SHISA6: variants seen among roughly 807,000 people sequenced by gnomAD.
SHISA6 encodes protein shisa-6.
A neutral mutation model predicts 47.9 loss-of-function variants in SHISA6; 22 were observed. The observed-to-expected ratio is 0.46, with a 90% CI of 0.33 to 0.66. The LOEUF is 0.66. Among genes scored for constraint, SHISA6 ranks in the 30% least tolerant of loss-of-function variants. The pLI, the probability that SHISA6 is intolerant of heterozygous loss-of-function variation, is 0.02. For missense variants in SHISA6, 680 were observed against 764.6 expected, an observed-to-expected ratio of 0.89 and a Z score of 1.30; for synonymous variants, 388 against 337.8, an observed-to-expected ratio of 1.15 and a Z score of -1.63.
intron 2 of SHISA6, among the ~76,000 whole-genome samples, chr17:11,297,506 A>G (rs1909792103): frequency 6.6e-6 from 1 of 152,086 alleles, no homozygotes; most frequent in Non-Finnish European, 1.5e-5. Context: ...CCACACTCCA[A>G]GCATCAGGAT....
At chr17:11,458,524 T>G (rs934869538) in intron 3 of SHISA6, among the ~76,000 whole-genome samples, 1 of 152,158 alleles carries the variant, frequency 6.6e-6, no homozygotes, top group Non-Finnish European at 1.5e-5. Flanking sequence ...TGAGGATGGA[T>G]GAGGCTGTTT....
At chr17:11,339,063 G>A (rs1313641075) in intron 2 of SHISA6, among the ~76,000 whole-genome samples, 1 of 150,906 alleles carries the variant, frequency 6.6e-6, no homozygotes, top group African/African-American at 2.4e-5. Flanking sequence ...TCCAAAATGT[G>A]TGTAGTACAT....
At position 11,551,764 on chromosome 17, in the gene SHISA6, C is replaced by T. The variant is rs1301842410; in HGVS notation, c.896-132C>T. On this transcript the variant is annotated intron_variant, in intron 3 of 5. Transcript: ENST00000441885. ...CGTTTCTTGGAGCCTCATACAATGA[C>T]CTCTGCCTTTCTTAGAAGTGCTTCC... 5.3e-6 allele frequency: 4 copies of T among 750,460 alleles called. No homozygotes were observed. In the East Asian group the frequency reaches 1.1e-4, roughly 20 times the overall value. The allele number at this position is 750,460 out of a possible 1,614,324, so 46.5% of individuals were successfully genotyped here. A position where few individuals can be genotyped will look rare whatever the true frequency, so the allele number is the denominator to read the frequency against.
At chr17:11,511,909 T>C (rs1351257518) in intron 3 of SHISA6, among the ~76,000 whole-genome samples, 2 of 152,228 alleles carry the variant, frequency 1.3e-5, no homozygotes, top group Non-Finnish European at 2.9e-5. Flanking sequence ...GCCAGAAGCA[T>C]GCAGGACGGA....
intron 2 of SHISA6, among the ~76,000 whole-genome samples, chr17:11,358,667 C>CTTTTT (rs71142206): frequency 1.4e-5 from 2 of 141,294 alleles, no homozygotes; most frequent in African/African-American, 2.7e-5. Flanking sequence ...CCAGAATTTC[C>CTTTTT]TTTTTTTTTT....
intron 3 of SHISA6, among the ~76,000 whole-genome samples, chr17:11,440,034 G>A (rs1229398828): frequency 6.6e-6 from 1 of 152,214 alleles, no homozygotes; most frequent in African/African-American, 2.4e-5. Context: ...GGCAGCCTGA[G>A]GGTCCTGGGT....
chr17:11,242,007 C>T lies in SHISA6; in HGVS notation c.585C>T (p.Ala195=), dbSNP rs888397658. Residue 195 remains alanine, a synonymous_variant, in exon 1 of 6, where the codon GCC becomes GCT. Coordinates refer to ENST00000441885, the MANE Select transcript of SHISA6 (RefSeq NM_207386.4). Reference sequence around the variant, plus strand: ...TCGTCATCGTGGCCGGCGTCTTCGCCAAGGTCTCCTACGACAAGGCCCACC... The same window carrying T: ...TCGTCATCGTGGCCGGCGTCTTCGCTAAGGTCTCCTACGACAAGGCCCACC... ...IAFVIVAGVF[A]KVSYDKAHRP... is the part of the protein sequence containing the mutation. The T allele has an allele frequency of 2.8e-5, 43 of 1,551,020 alleles. No homozygotes were observed. The highest frequency in any genetic ancestry group is 3.4e-5 in the Non-Finnish European group (39 of 1,147,016).
At chr17:11,358,724 C>T (rs1691974549) in intron 2 of SHISA6, among the ~76,000 whole-genome samples, 1 of 148,622 alleles carries the variant, frequency 6.7e-6, no homozygotes, top group African/African-American at 2.5e-5. Flanking sequence ...AGTGCAGTGG[C>T]GGCGGGCATG....
At chr17:11,276,636 A>T (rs921152984) in intron 2 of SHISA6, among the ~76,000 whole-genome samples, 5 of 151,306 alleles carry the variant, frequency 3.3e-5, no homozygotes, top group Admixed American at 2.0e-4. Context: ...ACCATCACCA[A>T]TACCATCATC....
chr17:11,396,640 G>T (rs549304038), intron 3 of SHISA6, among the ~76,000 whole-genome samples: 1 of 152,232 alleles, frequency 6.6e-6, no homozygotes, highest in South Asian at 2.1e-4. Context: ...ACTAACACAG[G>T]AACAGAAAGC....
At chr17:11,344,763 A>G (rs1394489147) in intron 2 of SHISA6, among the ~76,000 whole-genome samples, 2 of 152,230 alleles carry the variant, frequency 1.3e-5, no homozygotes, top group South Asian at 2.1e-4. Context: ...CCACTCAAAC[A>G]TTTAATATTT....
intron 2 of SHISA6, among the ~76,000 whole-genome samples, chr17:11,309,007 C>T (rs1910226869): frequency 1.3e-5 from 2 of 152,148 alleles, no homozygotes; most frequent in Admixed American, 6.5e-5. Context: ...CTCTGTCACC[C>T]AGGCTGGAAT....
At position 11,326,618 on chromosome 17, in the gene SHISA6, C is replaced by T. The variant is rs139885252; in HGVS notation, c.800-52796C>T. On this transcript the variant is annotated intron_variant, in intron 2 of 5. Transcript: ENST00000441885. ...ACCTTCCGAATCCTAGACCATCTGT[C>T]TAACACCGTTAATTGGCTCCAGAGG... 5.0e-3 allele frequency among the ~76,000 whole-genome samples: 764 copies of T among 152,332 alleles called. 5 individuals are homozygous for T. The highest frequency in any genetic ancestry group is 8.7e-3 in the Non-Finnish European group (593 of 68,034).
chr17:11,342,535 T>C (rs1221148553), intron 2 of SHISA6, among the ~76,000 whole-genome samples: 1 of 152,140 alleles, frequency 6.6e-6, no homozygotes, highest in Non-Finnish European at 1.5e-5. Flanking sequence ...GATAAAAGGA[T>C]AGTAAGAGGA....
At chr17:11,308,924 A>C (rs1356540371) in intron 2 of SHISA6, among the ~76,000 whole-genome samples, 1 of 152,184 alleles carries the variant, frequency 6.6e-6, no homozygotes, top group African/African-American at 2.4e-5. Flanking sequence ...CTAAACTTCC[A>C]AAGATTGGGC....
At chr17:11,256,469 C>G (rs1206555948) in intron 1 of SHISA6, among the ~76,000 whole-genome samples, 1 of 152,172 alleles carries the variant, frequency 6.6e-6, no homozygotes, top group Non-Finnish European at 1.5e-5. Flanking sequence ...GCACTCCAGT[C>G]TGGGTAACAG....
At chr17:11,439,474 A>C (rs1915041761) in intron 3 of SHISA6, among the ~76,000 whole-genome samples, 1 of 152,146 alleles carries the variant, frequency 6.6e-6, no homozygotes, top group South Asian at 2.1e-4. Flanking sequence ...AACTTCAAAA[A>C]CTAATGGCTT....
At chr17:11,338,526 T>C (rs1000494505) in intron 2 of SHISA6, among the ~76,000 whole-genome samples, 1 of 152,002 alleles carries the variant, frequency 6.6e-6, no homozygotes, top group Non-Finnish European at 1.5e-5. Context: ...CTCAGCCTCC[T>C]GAGTAGCTGG....
chr17:11,259,269 T>C (rs1044557787), intron 1 of SHISA6, among the ~76,000 whole-genome samples: 1 of 152,176 alleles, frequency 6.6e-6, no homozygotes, highest in African/African-American at 2.4e-5. Flanking sequence ...AATTCAGCAC[T>C]TACTAGCTGT....
Sources: gnomAD v4.1 joint callset for allele counts (sites outside exome capture counted in the v4.1 genomes callset) on GRCh38, gnomAD v4.1.1 for gene constraint, MANE v1.5 for transcripts, NCBI Gene and HGNC (gene_info 2026-07-23, HGNC 2026-07-21) for gene names.